CLPX: variants seen among roughly 807,000 people sequenced by gnomAD.
The protein encoded by CLPX is ATP-dependent clpX-like chaperone, mitochondrial.
A neutral mutation model predicts 76.4 loss-of-function variants in CLPX; 34 were observed. That is an observed-to-expected ratio of 0.45 (90% CI 0.34 to 0.59). The LOEUF (loss-of-function observed/expected upper bound fraction) is 0.59, where lower values mean the gene tolerates loss of function less well. Among genes scored for constraint, CLPX ranks in the 20% least tolerant of loss-of-function variants. The pLI is 0.01. For missense variants in CLPX, 613 were observed against 757.0 expected (o/e 0.81, Z 2.23); for synonymous variants, 248 against 270.9 (o/e 0.92, Z 0.83).
At chr15:65,177,222 C>T (rs193121006) in intron 3 of CLPX, among the ~76,000 whole-genome samples, 19 of 152,170 alleles carry the variant, frequency 1.2e-4, no homozygotes, top group African/African-American at 4.6e-4. Context: ...ATGCACGCCA[C>T]CACGCCCGGC....
intron 1 of CLPX, chr15:65,184,225 C>T (rs1203116740): frequency 1.3e-5 from 2 of 152,198 alleles, no homozygotes; most frequent in East Asian, 3.8e-4. Context: ...AGGATCTAGC[C>T]TCGTGGTCTG....
intron 3 of CLPX, among the ~76,000 whole-genome samples, chr15:65,175,210 G>T (rs558108967): frequency 6.6e-6 from 1 of 152,202 alleles, no homozygotes; most frequent in Non-Finnish European, 1.5e-5. Flanking sequence ...TGCAGGCCAG[G>T]CATGGTGGCT....
chr15:65,180,194 AC>A lies in CLPX; in HGVS notation c.89del (p.Gly30ValfsTer9). 1 of 1,587,828 alleles carries A rather than the reference AC, an allele frequency of 6.3e-7. No homozygotes were observed. The highest frequency in any genetic ancestry group is 8.6e-7 in the Non-Finnish European group (1 of 1,168,548). ...SLASAQRGISGGRIHMSVLGR... is the reference protein window; with the variant it reads ...SLASAQRGISXGRIHMSVLGR... ...CTAAAACTGACATATGAATGCGACC[AC>A]CAGAAATACCTGAAAATAAAAGGAA... is the stretch of plus-strand genomic sequence containing the variant. On this transcript the variant is annotated frameshift_variant, in exon 2 of 14. Transcript: ENST00000300107. LOFTEE classifies it high-confidence loss of function.
In CLPX at chr15:65,181,749, AAAATAAATAAATAAATAAAT is replaced by A. The variant is rs10605280; in HGVS notation, c.80-1565_80-1546del. On this transcript the variant is annotated intron_variant, in intron 1 of 13. Coordinates refer to ENST00000300107, the MANE Select transcript of CLPX (RefSeq NM_006660.5). ...GTGCAACGGAGCGAGGCTCTGTCGC[AAAATAAATAAATAAATAAAT>A]AAATAAATAAATAAATAAATAAATA... 4.7e-3 allele frequency among the ~76,000 whole-genome samples: 650 copies of A among 138,002 alleles called. 2 individuals carry two copies. The highest frequency in any genetic ancestry group is 8.1e-3 in the Non-Finnish European group (523 of 64,736). The allele number at this position is 138,002 out of a possible 152,430, so 90.5% of individuals were successfully genotyped here. A position where few individuals can be genotyped will look rare whatever the true frequency, so the allele number is the denominator to read the frequency against.
chr15:65,151,742 C>G (rs1386973695), intron 13 of CLPX, among the ~76,000 whole-genome samples: 1 of 152,124 alleles, frequency 6.6e-6, no homozygotes, highest in African/African-American at 2.4e-5. Flanking sequence ...CAAAACACAT[C>G]AACTGCCTCT....
chr15:65,185,030 C>CG lies in CLPX; in HGVS notation c.79+44_79+45insC, dbSNP rs1555414567. 8 of 1,489,884 alleles carry CG rather than the reference C, an allele frequency of 5.4e-6. No individual in the cohort carries two copies. The African/African-American group carries it at 1.1e-4, about 21-fold the overall frequency. 92.3% of individuals were successfully genotyped at this position (1,489,884 alleles called of 1,614,324 possible). ...CCCCCAACCATTGGCCAGTCCACCC[C>CG]CCCCCCGACAGGCTGAGGGCTCAGG... On this transcript the variant is annotated intron_variant, in intron 1 of 13. Coordinates refer to ENST00000300107, the MANE Select transcript of CLPX (RefSeq NM_006660.5).
At chr15:65,153,295 C>A (rs1411000055) in intron 12 of CLPX, among the ~76,000 whole-genome samples, 2 of 151,956 alleles carry the variant, frequency 1.3e-5, no homozygotes, top group African/African-American at 4.8e-5. Context: ...ACTAAAAATA[C>A]AAAAATTAGC....
intron 3 of CLPX, among the ~76,000 whole-genome samples, chr15:65,173,142 G>A (rs1439484993): frequency 6.6e-6 from 1 of 152,178 alleles, no homozygotes; most frequent in Non-Finnish European, 1.5e-5. Context: ...GCCCGAGGCA[G>A]GAGGATCACC....
Position 65,157,899 on chromosome 15 carries a change from G to A in CLPX, c.904C>T (p.Leu302=). The A allele has an allele frequency of 6.3e-7, 1 of 1,591,174 alleles. No homozygotes were observed. Among genetic ancestry groups the A allele is most frequent in the Non-Finnish European group, 8.5e-7 (1 of 1,170,778 alleles). Residue 302 remains leucine (L), a synonymous_variant, in exon 8 of 14, where the codon CTG becomes TTG. Coordinates refer to ENST00000300107, the MANE Select transcript of CLPX (RefSeq NM_006660.5). The part of the protein sequence containing the change: ...LGPTGSGKTL[L]AQTLAKCLDV... The stretch of plus-strand genomic sequence containing the variant: ...AGGCATTTAGCTAGGGTTTGTGCCA[G>A]CAGAGTTTTACCTACAAATAGAAAC...
At chr15:65,161,037 TTC>T (rs925516600) in intron 6 of CLPX, among the ~76,000 whole-genome samples, 4 of 152,212 alleles carry the variant, frequency 2.6e-5, no homozygotes, top group Admixed American at 1.3e-4. Context: ...AAATAATAGT[TTC>T]TGTCTCATGG....
At chr15:65,165,673 A>C (rs1056873088) in intron 4 of CLPX, among the ~76,000 whole-genome samples, 41 of 152,024 alleles carry the variant, frequency 2.7e-4, no homozygotes, top group African/African-American at 9.7e-4. Flanking sequence ...GAGTGAACCA[A>C]ACCACCGCAC....
intron 12 of CLPX, among the ~76,000 whole-genome samples, chr15:65,152,844 G>A (rs2140609723): frequency 6.6e-6 from 1 of 151,732 alleles, no homozygotes; most frequent in African/African-American, 2.4e-5. Flanking sequence ...CAATCCGCCT[G>A]CCTCAGCCTC....
At chr15:65,160,621 T>TCACACACACACA (rs759420054) in intron 6 of CLPX, among the ~76,000 whole-genome samples, 30 of 128,560 alleles carry the variant, frequency 2.3e-4, no homozygotes, top group African/African-American at 8.4e-4. Context: ...TCTCTCTCTC[T>TCACACACACACA]CTCACACACA....
intron 3 of CLPX, among the ~76,000 whole-genome samples, chr15:65,174,681 C>T (rs985247069): frequency 2.0e-5 from 3 of 152,210 alleles, no homozygotes; most frequent in Non-Finnish European, 2.9e-5. Flanking sequence ...TGTCCCTTGG[C>T]ACACATAGGA....
chr15:65,168,175 GT>G (rs2087943983), intron 3 of CLPX, among the ~76,000 whole-genome samples: 1 of 151,388 alleles, frequency 6.6e-6, no homozygotes, highest in Admixed American at 6.6e-5. Context: ...AGATCACGAG[GT>G]CAGGAGATCG....
Position 65,148,668 on chromosome 15 carries a change from T to C in CLPX, c.*2155A>G, listed in dbSNP as rs1032042143. On this transcript the variant is annotated 3_prime_UTR_variant, in exon 14 of 14. Coordinates refer to ENST00000300107, the MANE Select transcript of CLPX (RefSeq NM_006660.5). Reference sequence around the variant, plus strand: ...AACTCTTCATCAACAAGATTTAGAATTTCCTAATAGCTTTAGTTTTTCCCT... The same window carrying C: ...AACTCTTCATCAACAAGATTTAGAACTTCCTAATAGCTTTAGTTTTTCCCT... 1 of 152,074 alleles carries C rather than the reference T, an allele frequency of 6.6e-6. No individual in the cohort carries two copies. The highest frequency in any genetic ancestry group is 2.4e-5 in the African/African-American group (1 of 41,424). 9.4% of individuals were successfully genotyped at this position (152,074 alleles called of 1,614,324 possible).
intron 1 of CLPX, 68 bp downstream of exon 1, chr15:65,185,007 C>G: frequency 7.0e-7 from 1 of 1,423,936 alleles, no homozygotes; most frequent in Non-Finnish European, 9.7e-7. Context: ...CCCCGGGGCC[C>G]CCAACCATTG....
chr15:65,166,571 G>T, intron 4 of CLPX, 60 bp downstream of exon 4: 2 of 1,543,068 alleles, frequency 1.3e-6, no homozygotes, highest in Non-Finnish European at 1.8e-6. Flanking sequence ...ACTTGGGAGA[G>T]GGAAGCAATG....
At chr15:65,159,249 T>C (rs901815429) in intron 6 of CLPX, among the ~76,000 whole-genome samples, 2 of 152,232 alleles carry the variant, frequency 1.3e-5, no homozygotes, top group African/African-American at 2.4e-5. Flanking sequence ...GATCTTTCTA[T>C]TTCCTTTATT....
Sources: allele counts gnomAD v4.1 joint callset (sites outside exome capture counted in the v4.1 genomes callset), GRCh38; gene constraint gnomAD v4.1.1; transcripts MANE v1.5; gene names NCBI Gene and HGNC (gene_info 2026-07-23, HGNC 2026-07-21).